Variants in HMBOX1 observed in about 807,000 individuals in gnomAD.
The protein encoded by HMBOX1 is homeobox-containing protein 1.
Under a neutral mutation model 54.5 loss-of-function variants are expected in HMBOX1, and 14 were observed. That is an observed-to-expected ratio of 0.26 (90% CI 0.17 to 0.40). The LOEUF is 0.40. Among genes scored for constraint, HMBOX1 ranks in the 10% least tolerant of loss-of-function variants. HMBOX1 has a pLI of 1.00. For synonymous variants in HMBOX1, 160 were observed against 181.0 expected, an observed-to-expected ratio of 0.88 and a Z score of 0.93; for missense variants, 332 against 514.4, an observed-to-expected ratio of 0.65 and a Z score of 3.43.
At chr8:29,022,867 GA>G (rs1446338308) in intron 6 of HMBOX1, among the ~76,000 whole-genome samples, 7 of 29,404 alleles carry the variant, frequency 2.4e-4, no homozygotes, top group Non-Finnish European at 3.7e-4. Flanking sequence ...TAAAATCAGG[GA>G]AAAAATGGGG....
At chr8:29,033,451 C>G (rs1803338734) in intron 6 of HMBOX1, among the ~76,000 whole-genome samples, 1 of 152,100 alleles carries the variant, frequency 6.6e-6, no homozygotes, top group African/African-American at 2.4e-5. Context: ...GAGGAAAAAA[C>G]AACAAAATTT....
chr8:29,020,778 A>G (rs1490974093), intron 6 of HMBOX1, among the ~76,000 whole-genome samples: 1 of 152,226 alleles, frequency 6.6e-6, no homozygotes, highest in Non-Finnish European at 1.5e-5. Context: ...TAAAATTCCT[A>G]TCCTTAGTAT....
At chr8:28,926,170 C>T (rs1456345746) in intron 1 of HMBOX1, among the ~76,000 whole-genome samples, 2 of 151,894 alleles carry the variant, frequency 1.3e-5, no homozygotes, top group Admixed American at 6.6e-5. Context: ...GGCATGGTGG[C>T]GTATGCCTGT....
chr8:28,954,825 G>C (rs1248077252), intron 1 of HMBOX1, among the ~76,000 whole-genome samples: 1 of 152,194 alleles, frequency 6.6e-6, no homozygotes, highest in Non-Finnish European at 1.5e-5. Context: ...GGACTTTGGG[G>C]TGGGAGACCA....
At chr8:28,936,130 T>C (rs1004899092) in intron 1 of HMBOX1, among the ~76,000 whole-genome samples, 1 of 152,146 alleles carries the variant, frequency 6.6e-6, no homozygotes, top group Non-Finnish European at 1.5e-5. Context: ...AGATGTCTCT[T>C]TTTCACAATA....
intron 5 of HMBOX1, 157 bp downstream of exon 5, chr8:29,009,339 C>A (rs981358932): frequency 3.0e-6 from 2 of 655,976 alleles, no homozygotes; most frequent in Non-Finnish European, 3.8e-6. Flanking sequence ...AAAGCTAAAC[C>A]CTGACTGTAA....
intron 5 of HMBOX1, 46 bp from the exon 6 acceptor site, chr8:29,018,714 T>A (rs1477932269): frequency 1.9e-6 from 3 of 1,592,442 alleles, no homozygotes; most frequent in Non-Finnish European, 1.7e-6. Context: ...TATATTGTTT[T>A]AAATAAACTG....
intron 1 of HMBOX1, among the ~76,000 whole-genome samples, chr8:28,921,695 A>G (rs78859459): frequency 0.031 from 4,789 of 152,328 alleles, 270 homozygotes; most frequent in African/African-American, 0.11. Flanking sequence ...TACAGAACAT[A>G]TACCATAAAA....
chr8:28,939,511 T>A (rs10108058), intron 1 of HMBOX1, among the ~76,000 whole-genome samples: 3,692 of 152,080 alleles, frequency 0.024, 140 homozygotes, highest in African/African-American at 0.085. Context: ...GTTTAGTTTT[T>A]GTTTTTGTTT....
At chr8:28,895,347 G>A (rs912698682) in intron 1 of HMBOX1, among the ~76,000 whole-genome samples, 3 of 152,162 alleles carry the variant, frequency 2.0e-5, no homozygotes, top group African/African-American at 7.2e-5. Context: ...CTGAAACAGG[G>A]ATGACTTAAG....
At chr8:28,973,821 T>TTG (rs1827911542) in intron 3 of HMBOX1, among the ~76,000 whole-genome samples, 12 of 133,240 alleles carry the variant, frequency 9.0e-5, no homozygotes, top group Middle Eastern at 3.7e-3. Flanking sequence ...TTTTTTTTTT[T>TTG]TTTTTTTTTT....
At chr8:28,925,275 A>G (rs1421922161) in intron 1 of HMBOX1, among the ~76,000 whole-genome samples, 1 of 152,184 alleles carries the variant, frequency 6.6e-6, no homozygotes, top group Non-Finnish European at 1.5e-5. Flanking sequence ...CCAGTGACTA[A>G]GAACTTAGCT....
At chr8:28,938,650 G>A (rs1233241608) in intron 1 of HMBOX1, among the ~76,000 whole-genome samples, 1 of 150,946 alleles carries the variant, frequency 6.6e-6, no homozygotes, top group African/African-American at 2.4e-5. Flanking sequence ...GTCTCGCTAT[G>A]TTGCTCCAGC....
intron 1 of HMBOX1, among the ~76,000 whole-genome samples, chr8:28,905,331 G>T (rs188759686): frequency 6.6e-6 from 1 of 151,934 alleles, no homozygotes; most frequent in Non-Finnish European, 1.5e-5. Context: ...AACCAGGCGC[G>T]CGTGCATGCG....
rs373689907 is a variant in HMBOX1 at position 29,026,535 on chromosome 8, G to A, written c.851+7622G>A. Among the ~76,000 whole-genome samples the A allele has an allele frequency of 9.9e-5, 15 of 152,184 alleles. No homozygotes were observed. The East Asian group carries it at 2.7e-3, about 27-fold the overall frequency. ...TTTGATATATGAATTATATCAAGCT[G>A]CTTTAAAAAAAGGCATTTATTCAGT... On this transcript the variant is annotated intron_variant, in intron 6 of 9. Coordinates refer to ENST00000287701, the MANE Select transcript of HMBOX1 (RefSeq NM_001135726.3).
At chr8:29,041,311 T>C (rs1209109144) in intron 6 of HMBOX1, among the ~76,000 whole-genome samples, 4 of 152,208 alleles carry the variant, frequency 2.6e-5, no homozygotes, top group Admixed American at 2.6e-4. Context: ...CCTTAGTACG[T>C]ATCCTTCAAG....
At position 28,963,828 on chromosome 8, in the gene HMBOX1, A is replaced by G. The variant is rs1339367312; in HGVS notation, c.-40A>G. ...TTCTACAGAATGGTAGATAACGCAGATCATCTCTGGAAAGGATATTGATCC... is the reference window on the plus strand; with the variant it reads ...TTCTACAGAATGGTAGATAACGCAGGTCATCTCTGGAAAGGATATTGATCC... On this transcript the variant is annotated 5_prime_UTR_variant, in exon 2 of 10. Coordinates refer to ENST00000287701, the MANE Select transcript of HMBOX1 (RefSeq NM_001135726.3). 1.2e-5 allele frequency: 18 copies of G among 1,549,194 alleles called. No homozygotes were observed. The highest frequency in any genetic ancestry group is 1.6e-5 in the Non-Finnish European group (18 of 1,131,960).
intron 8 of HMBOX1, 109 bp downstream of exon 8, chr8:29,047,562 CTCTTTT>C: frequency 2.4e-6 from 1 of 414,458 alleles, no homozygotes; most frequent in Admixed American, 4.3e-5. Flanking sequence ...ATCCTAACTT[CTCTTTT>C]TTTTTTTTTT....
intron 4 of HMBOX1, among the ~76,000 whole-genome samples, chr8:28,985,331 C>T (rs1391486248): frequency 6.6e-6 from 1 of 152,124 alleles, no homozygotes; most frequent in African/African-American, 2.4e-5. Context: ...TTTATTGGGG[C>T]ACTAATTCTG....
Sources: gnomAD v4.1 joint callset for allele counts (sites outside exome capture counted in the v4.1 genomes callset) on GRCh38, gnomAD v4.1.1 for gene constraint, MANE v1.5 for transcripts, NCBI Gene and HGNC (gene_info 2026-07-23, HGNC 2026-07-21) for gene names.